Variants in SCP2 observed in about 807,000 individuals in gnomAD.
The protein encoded by SCP2 is sterol carrier protein 2.
A neutral mutation model predicts 71.4 loss-of-function variants in SCP2; 48 were observed. That is an observed-to-expected ratio of 0.67 (90% CI 0.53 to 0.86). The LOEUF is 0.86. Among genes scored for constraint, SCP2 ranks in the 40% least tolerant of loss-of-function variants. The pLI is 0.00. For missense variants in SCP2, 560 were observed against 655.6 expected, an observed-to-expected ratio of 0.85 and a Z score of 1.59; for synonymous variants, 220 against 218.1, an observed-to-expected ratio of 1.01 and a Z score of -0.08.
At chr1:52,984,398 T>A (rs796968246) in intron 10 of SCP2, among the ~76,000 whole-genome samples, 85 of 152,282 alleles carry the variant, frequency 5.6e-4, no homozygotes, top group African/African-American at 1.9e-3. Flanking sequence ...CAGTTTTTTT[T>A]ATTTTTATTT....
chr1:52,951,577 A>AAATT (rs1557553966), intron 4 of SCP2, among the ~76,000 whole-genome samples: 18 of 151,072 alleles, frequency 1.2e-4, no homozygotes, highest in African/African-American at 4.4e-4. Context: ...AAAAAAAAAA[A>AAATT]AATTAATTAA....
At chr1:52,989,232 G>A (rs34624892) in intron 11 of SCP2, among the ~76,000 whole-genome samples, 25,129 of 152,082 alleles carry the variant, frequency 0.17, 4,579 homozygotes, top group African/African-American at 0.46. Context: ...GTGATGTTAT[G>A]GGAAGTGGCA....
Position 52,976,819 on chromosome 1 carries a change from T to TC in SCP2, c.674+52dup, listed in dbSNP as rs1459342422. ...TAATGAGGGAAGTAACTGCTGCCCTTCCTGCCACCCCCCTGTGGTTAAACC... is the reference window on the plus strand; with the variant it reads ...TAATGAGGGAAGTAACTGCTGCCCTTCCCTGCCACCCCCCTGTGGTTAAACC... On this transcript the variant is annotated intron_variant, in intron 8 of 15. Transcript: ENST00000371514. 6.5e-6 allele frequency: 6 copies of TC among 916,916 alleles called. No individual in the cohort carries two copies. The South Asian group carries it at 7.8e-5, about 12-fold the overall frequency. The allele number at this position is 916,916 out of a possible 1,614,324, so 56.8% of individuals were successfully genotyped here.
At chr1:53,028,975 C>A (rs1327963874) in intron 13 of SCP2, among the ~76,000 whole-genome samples, 3 of 152,066 alleles carry the variant, frequency 2.0e-5, no homozygotes, top group Middle Eastern at 3.2e-3. Flanking sequence ...AGGGTTTCAC[C>A]ATGTTGGTCA....
chr1:52,978,104 C>G (rs995297230), intron 8 of SCP2, 113 bp from the exon 9 acceptor site: 10 of 914,118 alleles, frequency 1.1e-5, no homozygotes, highest in Admixed American at 9.6e-5. Flanking sequence ...AGAAGACAAT[C>G]CACTGACCAG....
intron 1 of SCP2, among the ~76,000 whole-genome samples, chr1:52,934,664 G>C (rs1391141419): frequency 8.2e-6 from 1 of 121,942 alleles, no homozygotes; most frequent in Non-Finnish European, 1.6e-5. Context: ...CCAGGCTGGA[G>C]TGCAGTGGTG....
intron 2 of SCP2, among the ~76,000 whole-genome samples, chr1:52,944,279 G>A (rs1654564285): frequency 1.3e-5 from 2 of 152,034 alleles, no homozygotes; most frequent in African/African-American, 4.8e-5. Flanking sequence ...AATATTATGG[G>A]GAAATCCAGT....
At chr1:53,036,412 A>G (rs1662956979) in intron 13 of SCP2, among the ~76,000 whole-genome samples, 1 of 150,254 alleles carries the variant, frequency 6.7e-6, no homozygotes, top group Admixed American at 6.6e-5. Flanking sequence ...ATTTAAGGGT[A>G]AATCCCTAGA....
intron 14 of SCP2, among the ~76,000 whole-genome samples, chr1:53,042,711 G>A (rs1192649792): frequency 6.6e-6 from 1 of 152,140 alleles, no homozygotes; most frequent in Non-Finnish European, 1.5e-5. Context: ...GTTTGAACCG[G>A]CATCTTAAGG....
chr1:52,955,484 GGA>G (rs992453286), intron 5 of SCP2, among the ~76,000 whole-genome samples: 1 of 152,120 alleles, frequency 6.6e-6, no homozygotes, highest in African/African-American at 2.4e-5. Flanking sequence ...GAGATGATAG[GGA>G]GAGTTACCAT....
chr1:53,041,890 G>A (rs1352465882), intron 14 of SCP2, among the ~76,000 whole-genome samples: 2 of 152,196 alleles, frequency 1.3e-5, no homozygotes, highest in East Asian at 3.8e-4. Flanking sequence ...TGCAAGGGTA[G>A]TTAAATATTC....
intron 1 of SCP2, among the ~76,000 whole-genome samples, chr1:52,934,708 G>A (rs111925097): frequency 0.018 from 2,464 of 140,566 alleles, 42 homozygotes; most frequent in African/African-American, 0.059. Flanking sequence ...CACCTCCTGG[G>A]TTCACGCCAT....
intron 12 of SCP2, among the ~76,000 whole-genome samples, chr1:53,021,463 C>A (rs6672374): frequency 6.7e-6 from 1 of 150,372 alleles, no homozygotes; most frequent in African/African-American, 2.5e-5. Flanking sequence ...ACTACAGGCA[C>A]GCACCACCAG....
chr1:52,962,638 C>T (rs929640548), intron 6 of SCP2, among the ~76,000 whole-genome samples: 13 of 152,010 alleles, frequency 8.6e-5, no homozygotes, highest in African/African-American at 2.9e-4. Context: ...CTGCTCCAAC[C>T]ACACTATCCT....
At chr1:52,992,579 C>G (rs576452641) in intron 11 of SCP2, among the ~76,000 whole-genome samples, 1 of 152,156 alleles carries the variant, frequency 6.6e-6, no homozygotes, top group East Asian at 1.9e-4. Context: ...AGAATATTAC[C>G]ATCTTCAAGA....
At chr1:53,012,737 A>G (rs569420047) in intron 11 of SCP2, among the ~76,000 whole-genome samples, 16 of 152,330 alleles carry the variant, frequency 1.1e-4, no homozygotes, top group African/African-American at 3.8e-4. Context: ...AACTTTGACC[A>G]GTTCTGTATA....
chr1:52,997,633 C>T (rs1660028145), intron 11 of SCP2, among the ~76,000 whole-genome samples: 1 of 152,116 alleles, frequency 6.6e-6, no homozygotes, highest in African/African-American at 2.4e-5. Flanking sequence ...GACTAGGGAA[C>T]ACAGGAGAGA....
At chr1:52,993,169 C>T in intron 11 of SCP2, 3 of 1,610,640 alleles carry the variant, frequency 1.9e-6, no homozygotes, top group Non-Finnish European at 1.7e-6. Flanking sequence ...CTTTTCCTGG[C>T]AGTTGGTAGC....
intron 5 of SCP2, 31 bp from the exon 6 acceptor site, chr1:52,961,472 C>T (rs1160260587): frequency 1.2e-6 from 2 of 1,611,724 alleles, no homozygotes; most frequent in Non-Finnish European, 1.7e-6. Flanking sequence ...ATCATGTCAG[C>T]TGCTTATGAA....
Sources: allele counts gnomAD v4.1 joint callset (sites outside exome capture counted in the v4.1 genomes callset), GRCh38; gene constraint gnomAD v4.1.1; transcripts MANE v1.5; gene names NCBI Gene and HGNC (gene_info 2026-07-23, HGNC 2026-07-21).